Variants in CHN1 observed in about 807,000 individuals in gnomAD.
The protein encoded by CHN1 is chimerin 1.
A neutral mutation model predicts 59.5 loss-of-function variants in CHN1; 37 were observed. The ratio of observed to expected loss-of-function variants is 0.62; its 90% CI spans 0.48 to 0.82. The LOEUF (loss-of-function observed/expected upper bound fraction) is 0.82, where lower values mean the gene tolerates loss of function less well. Among genes scored for constraint, CHN1 ranks in the 40% least tolerant of loss-of-function variants. The pLI is 0.00. For synonymous variants in CHN1, 206 were observed against 200.4 expected, an observed-to-expected ratio of 1.03 and a Z score of -0.24; for missense variants, 469 against 571.0, an observed-to-expected ratio of 0.82 and a Z score of 1.82.
chr2:174,982,230 C>T (rs1364691187), intron 1 of CHN1, among the ~76,000 whole-genome samples: 3 of 152,144 alleles, frequency 2.0e-5, no homozygotes, highest in East Asian at 1.9e-4. Flanking sequence ...CAGGTCTTTG[C>T]TATTGTGAAT....
intron 1 of CHN1, among the ~76,000 whole-genome samples, chr2:174,983,296 T>C (rs1381115484): frequency 1.3e-5 from 2 of 152,206 alleles, no homozygotes; most frequent in Non-Finnish European, 2.9e-5. Flanking sequence ...AAAAAAGTTG[T>C]AATCTTTTAG....
At chr2:174,946,878 G>A (rs545381313) in intron 2 of CHN1, among the ~76,000 whole-genome samples, 18 of 132,052 alleles carry the variant, frequency 1.4e-4, no homozygotes, top group Admixed American at 3.4e-4. Context: ...GCAACATAGC[G>A]AGACCCTGTC....
intron 1 of CHN1, among the ~76,000 whole-genome samples, chr2:174,991,049 A>G (rs899409390): frequency 1.1e-4 from 17 of 152,250 alleles, no homozygotes; most frequent in African/African-American, 4.1e-4. Context: ...TAAAAGGGTC[A>G]TGGTTTAATA....
intron 5 of CHN1, among the ~76,000 whole-genome samples, chr2:174,892,401 C>T (rs1291786185): frequency 6.6e-6 from 1 of 152,168 alleles, no homozygotes; most frequent in African/African-American, 2.4e-5. Flanking sequence ...GTTCCTTTCA[C>T]AATGTGAGAA....
At chr2:174,970,699 A>G (rs541945317) in intron 1 of CHN1, among the ~76,000 whole-genome samples, 1 of 152,356 alleles carries the variant, frequency 6.6e-6, no homozygotes, top group Non-Finnish European at 1.5e-5. Context: ...AAGATAGAAC[A>G]GGAGATCATA....
chr2:174,959,408 G>A (rs1412249855), intron 1 of CHN1, among the ~76,000 whole-genome samples: 2 of 152,146 alleles, frequency 1.3e-5, no homozygotes, highest in African/African-American at 4.8e-5. Flanking sequence ...ACTGTCCTTA[G>A]GACTCAGGGG....
At chr2:174,934,047 G>A (rs369478146) in intron 3 of CHN1, among the ~76,000 whole-genome samples, 130 of 152,294 alleles carry the variant, frequency 8.5e-4, no homozygotes, top group African/African-American at 2.9e-3. Flanking sequence ...GACCAGTTTC[G>A]TGGGAGACAA....
intron 5 of CHN1, among the ~76,000 whole-genome samples, chr2:174,880,351 C>G (rs1687695794): frequency 6.6e-6 from 1 of 152,226 alleles, no homozygotes; most frequent in African/African-American, 2.4e-5. Context: ...CTGGCCTACT[C>G]TGAACTACTC....
At chr2:174,873,526 TA>T (rs1211443898) in intron 6 of CHN1, among the ~76,000 whole-genome samples, 1 of 152,178 alleles carries the variant, frequency 6.6e-6, no homozygotes, top group Non-Finnish European at 1.5e-5. Flanking sequence ...TGAAGCAAAG[TA>T]AAAACATTTA....
intron 3 of CHN1, among the ~76,000 whole-genome samples, chr2:174,927,063 A>G (rs975356196): frequency 5.9e-5 from 9 of 151,938 alleles, no homozygotes; most frequent in African/African-American, 2.2e-4. Context: ...CGGCCTACCC[A>G]CACCTTTTTC....
intron 1 of CHN1, among the ~76,000 whole-genome samples, chr2:174,952,584 A>G (rs935401821): frequency 6.6e-6 from 1 of 152,218 alleles, no homozygotes; most frequent in African/African-American, 2.4e-5. Flanking sequence ...AGTCAAATTC[A>G]CCAGATTAAT....
At chr2:174,926,458 G>A (rs1689165197) in intron 3 of CHN1, among the ~76,000 whole-genome samples, 1 of 152,138 alleles carries the variant, frequency 6.6e-6, no homozygotes, top group Non-Finnish European at 1.5e-5. Context: ...AAGTCAAGCT[G>A]AGAACTGCAT....
chr2:174,998,216 T>C (rs1020514810), intron 1 of CHN1, among the ~76,000 whole-genome samples: 3 of 149,448 alleles, frequency 2.0e-5, no homozygotes, highest in African/African-American at 5.0e-5. Context: ...GGCAGGAGAA[T>C]TGCTTGAACC....
At chr2:174,834,253 CATAAT>C (rs1685987405) in intron 7 of CHN1, among the ~76,000 whole-genome samples, 1 of 152,182 alleles carries the variant, frequency 6.6e-6, no homozygotes, top group Non-Finnish European at 1.5e-5. Flanking sequence ...GTATAAACTA[CATAAT>C]ATATTACCAT....
At position 174,798,896 on chromosome 2, in the gene CHN1, CAG is replaced by C. The variant is rs1430502832; in HGVS notation, c.*1218_*1219del. On this transcript the variant is annotated 3_prime_UTR_variant, in exon 13 of 13. Coordinates refer to ENST00000409900, the MANE Select transcript of CHN1 (RefSeq NM_001822.7). ...GGTGTTCATCTGATAGGCACAGAAA[CAG>C]ACTCTGGAGGGTTGTTGGCTCCAAG... 1.3e-5 allele frequency among the ~76,000 whole-genome samples: 2 copies of C among 152,196 alleles called. No homozygotes were observed. Among genetic ancestry groups the C allele is most frequent in the Non-Finnish European group, 2.9e-5 (2 of 68,040 alleles).
intron 8 of CHN1, among the ~76,000 whole-genome samples, chr2:174,816,424 G>C (rs1486782922): frequency 6.6e-6 from 1 of 152,234 alleles, no homozygotes; most frequent in African/African-American, 2.4e-5. Flanking sequence ...TGTAGCAGAA[G>C]GGTCTCTGTT....
At chr2:174,913,709 T>C (rs957054850) in intron 5 of CHN1, among the ~76,000 whole-genome samples, 1 of 152,216 alleles carries the variant, frequency 6.6e-6, no homozygotes, top group Admixed American at 6.5e-5. Context: ...TACTGAATTG[T>C]ATTCATTCTA....
chr2:174,950,090 G>A (rs187859749), intron 2 of CHN1, among the ~76,000 whole-genome samples: 10 of 152,068 alleles, frequency 6.6e-5, no homozygotes, highest in Non-Finnish European at 1.3e-4. Flanking sequence ...GTGAGACCTC[G>A]TAGTCTACAA....
At chr2:174,966,323 T>TA (rs1363265176) in intron 1 of CHN1, among the ~76,000 whole-genome samples, 1 of 151,756 alleles carries the variant, frequency 6.6e-6, no homozygotes, top group Non-Finnish European at 1.5e-5. Context: ...CCAGAACCGT[T>TA]AATACTCAGG....
Sources: allele counts gnomAD v4.1 joint callset (sites outside exome capture counted in the v4.1 genomes callset), GRCh38; gene constraint gnomAD v4.1.1; transcripts MANE v1.5; gene names NCBI Gene and HGNC (gene_info 2026-07-23, HGNC 2026-07-21).